RGR: variants seen among roughly 807,000 people sequenced by gnomAD.
The protein encoded by RGR is retinal G protein coupled receptor, also known as RPE-retinal G protein-coupled receptor.
Under a neutral mutation model 28.6 loss-of-function variants are expected in RGR, and 30 were observed. The observed-to-expected ratio is 1.05, with a 90% CI of 0.78 to 1.42. The LOEUF is 1.42. RGR is among the 40% of genes most tolerant of loss of function. The pLI is 0.00. For synonymous variants in RGR, 180 were observed against 156.4 expected (o/e 1.15, Z -1.13); for missense variants, 404 against 375.6 (o/e 1.08, Z -0.62).
chr10:84,258,434 G>A (rs1842914358), intron 6 of RGR, 74 bp from the exon 7 acceptor site: 35 of 1,601,674 alleles, frequency 2.2e-5, no homozygotes, highest in Middle Eastern at 1.7e-4. Context: ...GAGGGTGACC[G>A]GGGTCACCAG....
chr10:84,256,439 C>T (rs1842888520), intron 5 of RGR, among the ~76,000 whole-genome samples: 1 of 152,206 alleles, frequency 6.6e-6, no homozygotes, highest in African/African-American at 2.4e-5. Context: ...AAAAACCACA[C>T]ACCTGGATTC....
At chr10:84,247,330 C>G (rs1842758663) in intron 1 of RGR, among the ~76,000 whole-genome samples, 1 of 152,152 alleles carries the variant, frequency 6.6e-6, no homozygotes, top group South Asian at 2.1e-4. Context: ...AGTTTCCCAG[C>G]TATAAATGGA....
chr10:84,248,242 A>T (rs1487311386), intron 2 of RGR: 2 of 1,212,254 alleles, frequency 1.6e-6, no homozygotes, highest in African/African-American at 3.2e-5. Flanking sequence ...AGGGACACCG[A>T]TGCAGTGTGG....
intron 2 of RGR, chr10:84,248,013 G>C: frequency 1.6e-6 from 1 of 617,456 alleles, no homozygotes; most frequent in Non-Finnish European, 2.7e-6. Context: ...AAGCAACCTA[G>C]GTTTGCATTC....
intron 5 of RGR, among the ~76,000 whole-genome samples, chr10:84,257,269 GGACAA>G (rs1842900226): frequency 2.6e-5 from 4 of 152,262 alleles, no homozygotes; most frequent in Admixed American, 2.6e-4. Context: ...CCCGCTCTCT[GGACAA>G]GCCCCTCCCC....
chr10:84,255,097 C>T (rs1274111675), intron 5 of RGR: 2 of 157,932 alleles, frequency 1.3e-5, no homozygotes, highest in Non-Finnish European at 2.8e-5. Flanking sequence ...CTGCTATTCT[C>T]CTGCCTCAAG....
intron 2 of RGR, chr10:84,248,545 G>C (rs923376613): frequency 2.9e-6 from 1 of 346,456 alleles, no homozygotes; most frequent in Non-Finnish European, 5.5e-6. Flanking sequence ...GGAGGCCTGG[G>C]ATCTCCCCTC....
chr10:84,250,460 C>A (rs774970154), intron 3 of RGR: 1 of 716,736 alleles, frequency 1.4e-6, no homozygotes, highest in Non-Finnish European at 2.6e-6. Flanking sequence ...CCTCAGAGCA[C>A]TTCTCCCACT....
intron 3 of RGR, chr10:84,250,425 T>C: frequency 2.8e-6 from 2 of 717,182 alleles, no homozygotes; most frequent in Non-Finnish European, 5.2e-6. Context: ...TGAGTGGCGA[T>C]AGGTTAGCCC....
At chr10:84,246,621 TCATTGGTCAGTGGGCACTTA>T (rs1300037159) in intron 1 of RGR, among the ~76,000 whole-genome samples, 1 of 152,256 alleles carries the variant, frequency 6.6e-6, no homozygotes, top group East Asian at 1.9e-4. Context: ...CTTTATCCAT[TCATTGGTCAGTGGGCACTTA>T]CATTGATTTC....
intron 1 of RGR, among the ~76,000 whole-genome samples, chr10:84,245,435 G>A (rs1487504251): frequency 2.0e-5 from 3 of 152,168 alleles, no homozygotes; most frequent in African/African-American, 4.8e-5. Context: ...ATCTGCCCAG[G>A]AGATGATCAA....
chr10:84,247,889 T>G, intron 2 of RGR, 142 bp downstream of exon 2: 1 of 1,171,364 alleles, frequency 8.5e-7, no homozygotes. Context: ...TAAAATGGGC[T>G]GAATTCCAGA....
In RGR at chr10:84,254,453, C is replaced by T. The variant is rs192139791; in HGVS notation, c.630+10C>T. The T allele has an allele frequency of 7.5e-6, 12 of 1,608,288 alleles. No individual in the cohort carries two copies. The East Asian group carries it at 2.0e-4, about 27-fold the overall frequency. On this transcript the variant is annotated intron_variant, in intron 5 of 6. Coordinates refer to ENST00000652092, the MANE Select transcript of RGR (RefSeq NM_001012720.2). The stretch of plus-strand genomic sequence containing the variant: ...GAGTGGCCATCTCCAGGTAAGGACC[C>T]CCTTCCGGAGTGTTATCTGATGGTG...
chr10:84,246,308 G>T (rs1842745832), intron 1 of RGR, among the ~76,000 whole-genome samples: 1 of 152,036 alleles, frequency 6.6e-6, no homozygotes. Context: ...CAAATGCTAG[G>T]ACTTTAGTGC....
intron 5 of RGR, 38 bp from the exon 6 acceptor site, chr10:84,257,855 G>T (rs1428009676): frequency 6.3e-7 from 1 of 1,595,012 alleles, no homozygotes; most frequent in Admixed American, 1.7e-5. Flanking sequence ...TGGGCCACCT[G>T]GAGCAAGCTG....
At chr10:84,248,306 C>T (rs958207970) in intron 2 of RGR, 3 of 639,102 alleles carry the variant, frequency 4.7e-6, no homozygotes, top group Non-Finnish European at 6.5e-6. Flanking sequence ...CTAATACCTC[C>T]TTATACAAAA....
In RGR at chr10:84,247,645, C is replaced by A. The variant is rs1373174968; in HGVS notation, c.134C>A (p.Pro45Gln). The A allele has an allele frequency of 2.5e-6, 4 of 1,614,188 alleles. No homozygotes were observed. Among genetic ancestry groups the A allele is most frequent in the Non-Finnish European group, 3.4e-6 (4 of 1,180,034 alleles). The stretch of plus-strand genomic sequence containing the variant: ...ACCATCTTCTCTTTCTGCAAGACCC[C>A]GGAGCTGCGGACTCCCTGCCACCTA... ...TLTIFSFCKT[P>Q]ELRTPCHLLV... The change falls in exon 2 of 7, where the codon CCG becomes CAG. Residue 45 changes from proline to glutamine, a missense_variant. Physicochemically the swap from Pro to Gln is moderately conservative, Grantham distance 76. Transcript: ENST00000652092.
chr10:84,256,059 C>CTTTTTTT lies in RGR; in HGVS notation c.630+1639_630+1645dup, dbSNP rs61441525. 1.9e-3 allele frequency among the ~76,000 whole-genome samples: 105 copies of CTTTTTTT among 54,356 alleles called. 2 individuals are homozygous for CTTTTTTT. The highest frequency in any genetic ancestry group is 3.0e-3 in the East Asian group (5 of 1,642). 35.7% of individuals were successfully genotyped at this position (54,356 alleles called of 152,430 possible). On this transcript the variant is annotated intron_variant, in intron 5 of 6. Coordinates refer to ENST00000652092, the MANE Select transcript of RGR (RefSeq NM_001012720.2). The stretch of plus-strand genomic sequence containing the variant: ...TCTTTGTTTCTTTTTTTTTTCCTTT[C>CTTTTTTT]TTTTTTTTTTTTTTTTTTTTTTTTT...
chr10:84,248,868 T>C, intron 2 of RGR, 54 bp from the exon 3 acceptor site: 1 of 1,614,006 alleles, frequency 6.2e-7, no homozygotes. Flanking sequence ...TTGGCAGGTG[T>C]GGGAGGTGGA....
Sources: gnomAD v4.1 joint callset for allele counts (sites outside exome capture counted in the v4.1 genomes callset) on GRCh38, gnomAD v4.1.1 for gene constraint, MANE v1.5 for transcripts, NCBI Gene and HGNC (gene_info 2026-07-23, HGNC 2026-07-21) for gene names.